FAT3: variants seen among roughly 807,000 people sequenced by gnomAD.
FAT3 encodes protocadherin Fat 3.
In FAT3, 95 loss-of-function variants were observed where a neutral mutation model predicts 310.2. The observed-to-expected ratio is 0.31, with a 90% CI of 0.26 to 0.36. The LOEUF is 0.36. FAT3 is among the 10% of genes least tolerant of loss of function. FAT3 has a pLI of 1.00. For missense variants in FAT3, 5,408 were observed against 5,715.6 expected (o/e 0.95, Z 1.74); for synonymous variants, 2,314 against 2,192.9 (o/e 1.06, Z -1.54).
At chr11:92,292,027 G>A (rs1946708140) in intron 1 of FAT3, among the ~76,000 whole-genome samples, 1 of 151,924 alleles carries the variant, frequency 6.6e-6, no homozygotes, top group Non-Finnish European at 1.5e-5. Context: ...ATTTGTGTAA[G>A]TAACAGTATA....
At chr11:92,847,866 T>C (rs1948727503) in intron 19 of FAT3, among the ~76,000 whole-genome samples, 1 of 152,190 alleles carries the variant, frequency 6.6e-6, no homozygotes, top group Non-Finnish European at 1.5e-5. Context: ...AGGCATTTTC[T>C]TGTTTATTGG....
intron 3 of FAT3, among the ~76,000 whole-genome samples, chr11:92,675,707 G>A (rs767546740): frequency 2.3e-4 from 35 of 152,254 alleles, no homozygotes; most frequent in Non-Finnish European, 4.1e-4. Context: ...TTTGAGGTGC[G>A]TTTATCTTAC....
intron 18 of FAT3, among the ~76,000 whole-genome samples, chr11:92,842,804 A>T (rs1406872046): frequency 2.0e-5 from 3 of 152,226 alleles, no homozygotes; most frequent in Non-Finnish European, 4.4e-5. Context: ...ACTTGAGCTC[A>T]GGAGGTTGAG....
At chr11:92,820,995 C>T (rs1182010451) in intron 13 of FAT3, among the ~76,000 whole-genome samples, 1 of 152,202 alleles carries the variant, frequency 6.6e-6, no homozygotes, top group African/African-American at 2.4e-5. Context: ...AGGAGCAGTG[C>T]ATCTGTGTTG....
At chr11:92,730,802 G>C (rs1198958395) in intron 4 of FAT3, among the ~76,000 whole-genome samples, 1 of 152,018 alleles carries the variant, frequency 6.6e-6, no homozygotes, top group African/African-American at 2.4e-5. Flanking sequence ...TTTATGTCTT[G>C]AGACTATTCC....
chr11:92,568,107 C>G (rs1469300672), intron 3 of FAT3, among the ~76,000 whole-genome samples: 1 of 152,042 alleles, frequency 6.6e-6, no homozygotes, highest in Non-Finnish European at 1.5e-5. Flanking sequence ...TCTCCTAGGC[C>G]ACCTGACAGT....
intron 2 of FAT3, among the ~76,000 whole-genome samples, chr11:92,384,898 G>A (rs749866630): frequency 6.6e-6 from 1 of 152,100 alleles, no homozygotes; most frequent in Non-Finnish European, 1.5e-5. Flanking sequence ...TTGCTTCCAC[G>A]GAGCTGCTGT....
Position 92,831,695 on chromosome 11 carries a change from C to T in FAT3, c.9555C>T (p.Gly3185=). 1.9e-6 allele frequency: 3 copies of T among 1,613,546 alleles called. No homozygotes were observed. Among genetic ancestry groups the T allele is most frequent in the Non-Finnish European group, 2.5e-6 (3 of 1,179,786 alleles). ...GGVFSIDSSS[G]IIILEQPLDR... The stretch of plus-strand genomic sequence containing the variant: ...TCTTCTCCATTGACAGCTCATCTGG[C>T]ATCATCATCCTGGAGCAGCCACTGG... Residue 3185 remains glycine, a synonymous_variant, in exon 14 of 28, where the codon GGC becomes GGT. Transcript: ENST00000525166.
At position 92,323,460 on chromosome 11, in the gene FAT3, C is replaced by T. The variant is rs568694329; in HGVS notation, c.-17-28636C>T. Among the ~76,000 whole-genome samples, 15 of 152,040 alleles carry T rather than the reference C, an allele frequency of 9.9e-5. No homozygotes were observed. The South Asian group carries it at 1.3e-3, about 13-fold the overall frequency. On this transcript the variant is annotated intron_variant, in intron 1 of 27. Transcript: ENST00000525166. ...TAGAAACAGGATCTTTCTATGTTGC[C>T]CAGGCTGGTCTCAAACTCCTAAGTT... is the stretch of plus-strand genomic sequence containing the variant.
chr11:92,731,688 G>A (rs1295074934), intron 4 of FAT3, among the ~76,000 whole-genome samples: 1 of 136,214 alleles, frequency 7.3e-6, no homozygotes, highest in African/African-American at 2.8e-5. Flanking sequence ...GAGGCCTTAG[G>A]TTCATTCTCT....
chr11:92,831,856 G>A lies in FAT3; in HGVS notation c.9716G>A (p.Arg3239Lys), dbSNP rs1316399588. ...INDNPPVFERRDYLVTVPEDT... is the reference protein window; with the variant it reads ...INDNPPVFERKDYLVTVPEDT... ...GACAACCCCCCTGTGTTTGAGAGGA[G>A]GGACTACCTGGTGACGGTGCCTGAG... The change falls in exon 14 of 28, where the codon AGG becomes AAG. Residue 3239 changes from arginine to lysine, a missense_variant. Coordinates refer to ENST00000525166, the MANE Select transcript of FAT3 (RefSeq NM_001367949.2). 2 of 1,613,530 alleles carry A rather than the reference G, an allele frequency of 1.2e-6. No homozygotes were observed. Among genetic ancestry groups the A allele is most frequent in the East Asian group, 4.5e-5 (2 of 44,860 alleles).
rs368695268 is a variant in FAT3, at chr11:92,894,631, A to C, written c.*3518A>C. ...AACTTGGGAGTAATAAAAGGTGAAT[A>C]AAATGCATGCTTCATTTATTCCCTT... On this transcript the variant is annotated 3_prime_UTR_variant, in exon 28 of 28. Coordinates refer to ENST00000525166, the MANE Select transcript of FAT3 (RefSeq NM_001367949.2). 6.6e-6 allele frequency: 1 copy of C among 152,212 alleles called. No homozygotes were observed. Among genetic ancestry groups the C allele is most frequent in the African/African-American group, 2.4e-5 (1 of 41,454 alleles). 9.4% of individuals were successfully genotyped at this position (152,212 alleles called of 1,614,324 possible). A position where few individuals can be genotyped will look rare whatever the true frequency, so the allele number is the denominator to read the frequency against.
intron 2 of FAT3, among the ~76,000 whole-genome samples, chr11:92,400,874 A>T (rs1949998654): frequency 6.6e-6 from 1 of 152,176 alleles, no homozygotes; most frequent in African/African-American, 2.4e-5. Flanking sequence ...ACTCACTAAG[A>T]GAATACCATA....
intron 13 of FAT3, among the ~76,000 whole-genome samples, chr11:92,821,861 A>C (rs1422797470): frequency 6.6e-6 from 1 of 152,196 alleles, no homozygotes; most frequent in Non-Finnish European, 1.5e-5. Flanking sequence ...CACCTTCTAC[A>C]GTGTCTGCAA....
intron 3 of FAT3, among the ~76,000 whole-genome samples, chr11:92,556,834 C>T (rs1383403281): frequency 6.6e-6 from 1 of 152,048 alleles, no homozygotes; most frequent in Non-Finnish European, 1.5e-5. Context: ...TCCATGATTG[C>T]CCAATTACAA....
In FAT3 at chr11:92,749,363, G is replaced by T. The variant is rs527972659; in HGVS notation, c.3670-12493G>T. Among the ~76,000 whole-genome samples, 9 of 152,152 alleles carry T rather than the reference G, an allele frequency of 5.9e-5. No individual in the cohort carries two copies. In the East Asian group the frequency reaches 1.7e-3, roughly 29 times the overall value. ...ATGACAATTTATGAATGCAAGCCTT[G>T]TTTGAGGCTCAAAAGCCAGCTTGGA... On this transcript the variant is annotated intron_variant, in intron 4 of 27. Coordinates refer to ENST00000525166, the MANE Select transcript of FAT3 (RefSeq NM_001367949.2).
intron 3 of FAT3, among the ~76,000 whole-genome samples, chr11:92,530,913 A>AT (rs1954044443): frequency 6.6e-6 from 1 of 150,972 alleles, no homozygotes; most frequent in African/African-American, 2.4e-5. Flanking sequence ...AAAAAAAAAA[A>AT]GGTGAGGTAC....
At chr11:92,787,210 G>A (rs980158060) in intron 7 of FAT3, among the ~76,000 whole-genome samples, 1 of 152,108 alleles carries the variant, frequency 6.6e-6, no homozygotes, top group Non-Finnish European at 1.5e-5. Flanking sequence ...CAGCATGGCA[G>A]GGAAGAGTGT....
intron 2 of FAT3, among the ~76,000 whole-genome samples, chr11:92,448,044 T>C (rs1427025989): frequency 6.6e-6 from 1 of 152,154 alleles, no homozygotes; most frequent in East Asian, 1.9e-4. Flanking sequence ...GGGACACTGA[T>C]GGCTCAGCCC....
Sources: allele counts gnomAD v4.1 joint callset (sites outside exome capture counted in the v4.1 genomes callset), GRCh38; gene constraint gnomAD v4.1.1; transcripts MANE v1.5; gene names NCBI Gene and HGNC (gene_info 2026-07-23, HGNC 2026-07-21).